TSHZ2: variants seen among roughly 807,000 people sequenced by gnomAD.
TSHZ2 encodes teashirt homolog 2.
In TSHZ2, 21 loss-of-function variants were observed where a neutral mutation model predicts 74.4. The ratio of observed to expected loss-of-function variants is 0.28; its 90% CI spans 0.20 to 0.41. The LOEUF is 0.41. Among genes scored for constraint, TSHZ2 ranks in the 10% least tolerant of loss-of-function variants. The pLI is 1.00. For missense variants in TSHZ2, 1,244 were observed against 1,293.5 expected, an observed-to-expected ratio of 0.96 and a Z score of 0.59; for synonymous variants, 540 against 515.3, an observed-to-expected ratio of 1.05 and a Z score of -0.65.
chr20:53,016,811 T>A (rs1983055199), intron 1 of TSHZ2, among the ~76,000 whole-genome samples: 2 of 152,182 alleles, frequency 1.3e-5, no homozygotes, highest in Non-Finnish European at 2.9e-5. Flanking sequence ...TTGAGGGTGG[T>A]GGGCTCCACA....
In TSHZ2 at chr20:52,976,129, A is replaced by C. The variant is rs527393876; in HGVS notation, c.40+2796A>C. 2.1e-4 allele frequency among the ~76,000 whole-genome samples: 32 copies of C among 152,366 alleles called. No individual in the cohort carries two copies. The South Asian group carries it at 5.6e-3, about 27-fold the overall frequency. The stretch of plus-strand genomic sequence containing the variant: ...TATAAGTTCCATGTTTCAAGGAATC[A>C]ATTACAGAACTTTCTACTAAAGCAG... On this transcript the variant is annotated intron_variant, in intron 1 of 2. Transcript: ENST00000371497.
chr20:53,306,431 T>C (rs902821575), intron 2 of TSHZ2, among the ~76,000 whole-genome samples: 1 of 152,004 alleles, frequency 6.6e-6, no homozygotes, highest in Admixed American at 6.6e-5. Context: ...GTGCTGGAGG[T>C]GGTGTTTGCT....
chr20:53,014,195 C>CAG (rs10539599), intron 1 of TSHZ2, among the ~76,000 whole-genome samples: 4,495 of 150,018 alleles, frequency 0.03, 92 homozygotes, highest in Middle Eastern at 0.038. Flanking sequence ...CTTCATACGG[C>CAG]AGAGAGAGAG....
At chr20:53,205,404 C>T (rs1437955452) in intron 1 of TSHZ2, among the ~76,000 whole-genome samples, 2 of 152,196 alleles carry the variant, frequency 1.3e-5, no homozygotes, top group South Asian at 2.1e-4. Context: ...GTACTTTACT[C>T]TGTGCAAAAT....
At chr20:53,332,026 A>G (rs1424135592) in intron 2 of TSHZ2, among the ~76,000 whole-genome samples, 1 of 152,132 alleles carries the variant, frequency 6.6e-6, no homozygotes, top group African/African-American at 2.4e-5. Flanking sequence ...GGTCCCATTC[A>G]CTGAATACAT....
intron 1 of TSHZ2, among the ~76,000 whole-genome samples, chr20:53,135,007 GAC>G (rs139347142): frequency 0.023 from 3,434 of 148,688 alleles, 109 homozygotes; most frequent in African/African-American, 0.076. Context: ...TGCACATGCA[GAC>G]ACACACACAC....
chr20:53,065,488 A>T (rs1984953039), intron 1 of TSHZ2, among the ~76,000 whole-genome samples: 1 of 152,230 alleles, frequency 6.6e-6, no homozygotes, highest in South Asian at 2.1e-4. Flanking sequence ...CATAATATTC[A>T]AATCCCAAGG....
At chr20:53,402,544 C>A (rs1174899800) in intron 2 of TSHZ2, among the ~76,000 whole-genome samples, 2 of 152,086 alleles carry the variant, frequency 1.3e-5, no homozygotes, top group Non-Finnish European at 2.9e-5. Context: ...ATGCATTTCT[C>A]AAAATGTATC....
At chr20:53,122,694 T>C (rs370608816) in intron 1 of TSHZ2, among the ~76,000 whole-genome samples, 1 of 152,070 alleles carries the variant, frequency 6.6e-6, no homozygotes, top group Admixed American at 6.5e-5. Flanking sequence ...GGAGGATGGA[T>C]ATTTTTCGGC....
intron 2 of TSHZ2, among the ~76,000 whole-genome samples, chr20:53,290,508 T>C: frequency 6.6e-6 from 1 of 152,172 alleles, no homozygotes; most frequent in East Asian, 1.9e-4. Flanking sequence ...GGTTCTCATC[T>C]CCAGGAGTTC....
intron 2 of TSHZ2, among the ~76,000 whole-genome samples, chr20:53,274,974 T>G (rs898897816): frequency 1.3e-5 from 2 of 152,206 alleles, no homozygotes; most frequent in Non-Finnish European, 2.9e-5. Flanking sequence ...ACTGTTCTGG[T>G]CTGTTTGGCC....
chr20:53,001,779 T>A (rs976694837), intron 1 of TSHZ2, among the ~76,000 whole-genome samples: 2 of 152,230 alleles, frequency 1.3e-5, no homozygotes, highest in South Asian at 2.1e-4. Context: ...GGTTTAACGT[T>A]ACGTATGTCT....
chr20:53,158,866 G>C (rs1311027957), intron 1 of TSHZ2, among the ~76,000 whole-genome samples: 2 of 152,152 alleles, frequency 1.3e-5, no homozygotes, highest in Non-Finnish European at 1.5e-5. Context: ...TGCCTCACCT[G>C]CCCACTTTGC....
At chr20:53,162,789 G>T (rs1335104566) in intron 1 of TSHZ2, among the ~76,000 whole-genome samples, 1 of 152,186 alleles carries the variant, frequency 6.6e-6, no homozygotes, top group Non-Finnish European at 1.5e-5. Flanking sequence ...TAACTGCAGA[G>T]ACATCTGCTG....
At chr20:53,164,113 C>T (rs1262320474) in intron 1 of TSHZ2, among the ~76,000 whole-genome samples, 1 of 151,968 alleles carries the variant, frequency 6.6e-6, no homozygotes, top group African/African-American at 2.4e-5. Context: ...CTGTGGTGAA[C>T]ATCTTTTTAT....
At chr20:53,257,051 T>C (rs750415722) in intron 2 of TSHZ2, among the ~76,000 whole-genome samples, 7 of 152,280 alleles carry the variant, frequency 4.6e-5, no homozygotes, top group Non-Finnish European at 1.0e-4. Context: ...GATTCCTTAA[T>C]CAGCTCATGA....
chr20:53,426,089 G>A (rs910858939), intron 2 of TSHZ2, among the ~76,000 whole-genome samples: 1 of 152,062 alleles, frequency 6.6e-6, no homozygotes, highest in South Asian at 2.1e-4. Context: ...GGATAAACAG[G>A]GGAGGACAAA....
At chr20:53,197,410 C>G (rs187917747) in intron 1 of TSHZ2, among the ~76,000 whole-genome samples, 1 of 152,230 alleles carries the variant, frequency 6.6e-6, no homozygotes, top group Non-Finnish European at 1.5e-5. Context: ...ACTATGTTTT[C>G]TTTTTATTTG....
At chr20:53,214,604 C>G (rs1600745737) in intron 1 of TSHZ2, among the ~76,000 whole-genome samples, 1 of 152,066 alleles carries the variant, frequency 6.6e-6, no homozygotes, top group African/African-American at 2.4e-5. Flanking sequence ...TCTCAGCTAC[C>G]TGGGAGGATT....
Sources: allele counts gnomAD v4.1 joint callset (sites outside exome capture counted in the v4.1 genomes callset), GRCh38; gene constraint gnomAD v4.1.1; transcripts MANE v1.5; gene names NCBI Gene and HGNC (gene_info 2026-07-23, HGNC 2026-07-21).